NEK1: variants seen among roughly 807,000 people sequenced by gnomAD.
The protein encoded by NEK1 is serine/threonine-protein kinase Nek1.
In NEK1, 137 loss-of-function variants were observed where a neutral mutation model predicts 182.1. That is an observed-to-expected ratio of 0.75 (90% CI 0.65 to 0.87). The LOEUF is 0.87. NEK1 is among the 40% of genes least tolerant of loss of function. The pLI is 0.00. For missense variants in NEK1, 1,391 were observed against 1,494.4 expected (o/e 0.93, Z 1.14); for synonymous variants, 513 against 492.2 (o/e 1.04, Z -0.56).
chr4:169,497,497 A>C (rs1751561422), intron 23 of NEK1, among the ~76,000 whole-genome samples: 1 of 152,208 alleles, frequency 6.6e-6, no homozygotes, highest in Middle Eastern at 3.4e-3. Flanking sequence ...TTGTGATGTT[A>C]GGGTGTCAAT....
At chr4:169,411,417 C>T (rs1254524999) in intron 31 of NEK1, among the ~76,000 whole-genome samples, 21 of 152,020 alleles carry the variant, frequency 1.4e-4, no homozygotes, top group Non-Finnish European at 5.9e-5. Flanking sequence ...GCCTCTGCCT[C>T]CTGGGTTCAA....
intron 18 of NEK1, among the ~76,000 whole-genome samples, chr4:169,543,270 G>A (rs893046005): frequency 7.3e-5 from 11 of 151,440 alleles, no homozygotes; most frequent in African/African-American, 1.2e-4. Flanking sequence ...CTTGTTTATC[G>A]GGTTTGTTAA....
chr4:169,603,894 C>T (rs918082795), intron 2 of NEK1, among the ~76,000 whole-genome samples: 2 of 151,854 alleles, frequency 1.3e-5, no homozygotes, highest in South Asian at 2.1e-4. Flanking sequence ...TTAGTAGAGA[C>T]GGGGTTTCGC....
In NEK1 at chr4:169,515,553, C is replaced by T. The variant is rs181915200; in HGVS notation, c.1666-6701G>A. Among the ~76,000 whole-genome samples the T allele has an allele frequency of 6.5e-3, 931 of 143,380 alleles. 6 individuals are homozygous for T. The highest frequency in any genetic ancestry group is 0.023 in the African/African-American group (880 of 38,378). The allele number at this position is 143,380 out of a possible 152,430, so 94.1% of individuals were successfully genotyped here. On this transcript the variant is annotated intron_variant, in intron 19 of 35. Transcript: ENST00000507142. ...TTTTAGGGTACATGTGCACATTGTG[C>T]AGGTTAGTTACATATGTATACATGT... is the stretch of plus-strand genomic sequence containing the variant.
chr4:169,549,892 T>G (rs1328674846), intron 18 of NEK1, among the ~76,000 whole-genome samples: 1 of 152,170 alleles, frequency 6.6e-6, no homozygotes, highest in Non-Finnish European at 1.5e-5. Flanking sequence ...GTTCATTTAT[T>G]TATTTATTTT....
intron 5 of NEK1, among the ~76,000 whole-genome samples, chr4:169,595,068 C>G (rs11725757): frequency 0.46 from 69,237 of 151,932 alleles, 18,485 homozygotes; most frequent in East Asian, 0.76. Context: ...GAATGCCAAA[C>G]TACTGGCACT....
At chr4:169,539,800 G>C (rs1036002752) in intron 18 of NEK1, among the ~76,000 whole-genome samples, 1 of 152,064 alleles carries the variant, frequency 6.6e-6, no homozygotes, top group Non-Finnish European at 1.5e-5. Flanking sequence ...CAAGATAGGT[G>C]ATCTCTCTGC....
intron 19 of NEK1, among the ~76,000 whole-genome samples, chr4:169,518,309 T>G (rs924056046): frequency 1.5e-5 from 1 of 65,080 alleles, no homozygotes; most frequent in African/African-American, 9.3e-5. Context: ...GTTTGTAGTA[T>G]TCTCTGATGG....
chr4:169,525,888 T>G (rs1489940298), intron 19 of NEK1, among the ~76,000 whole-genome samples: 1 of 152,232 alleles, frequency 6.6e-6, no homozygotes, highest in Non-Finnish European at 1.5e-5. Flanking sequence ...GTTTGCACCC[T>G]GTTTCTGGGC....
At chr4:169,541,112 A>G (rs776167125) in intron 18 of NEK1, among the ~76,000 whole-genome samples, 1 of 152,148 alleles carries the variant, frequency 6.6e-6, no homozygotes, top group Non-Finnish European at 1.5e-5. Context: ...AATAAAAATG[A>G]GTAATGTGGT....
chr4:169,556,161 C>A, intron 16 of NEK1, 66 bp from the exon 17 acceptor site: 11 of 1,403,412 alleles, frequency 7.8e-6, no homozygotes, highest in Admixed American at 5.6e-5. Context: ...GTACTAGTCT[C>A]AAAAGAAAAA....
At chr4:169,497,701 G>A (rs1363355009) in intron 23 of NEK1, among the ~76,000 whole-genome samples, 4 of 152,296 alleles carry the variant, frequency 2.6e-5, no homozygotes, top group Admixed American at 6.5e-5. Context: ...CAGTTTCCAC[G>A]TAGTTGAGCG....
intron 22 of NEK1, 79 bp downstream of exon 22, chr4:169,507,636 A>G: frequency 1.0e-6 from 1 of 986,622 alleles, no homozygotes; most frequent in Admixed American, 2.0e-5. Context: ...TGATATAACT[A>G]TGCAAAACTT....
chr4:169,457,165 G>A (rs925652021), intron 27 of NEK1, among the ~76,000 whole-genome samples: 1 of 148,104 alleles, frequency 6.8e-6, no homozygotes, highest in Non-Finnish European at 1.5e-5. Flanking sequence ...GGTGACTAGA[G>A]TTAAGTCAAG....
At chr4:169,507,173 A>G (rs1375437889) in intron 22 of NEK1, 41 bp from the exon 23 acceptor site, 6 of 1,201,972 alleles carry the variant, frequency 5.0e-6, no homozygotes, top group South Asian at 3.0e-5. Context: ...TACCAGAAAG[A>G]AGGGCAGAGG....
At chr4:169,421,502 C>A (rs1041104368) in intron 31 of NEK1, among the ~76,000 whole-genome samples, 7 of 152,124 alleles carry the variant, frequency 4.6e-5, no homozygotes, top group African/African-American at 1.4e-4. Flanking sequence ...GTGACTGGAT[C>A]ATGAGGGCAG....
intron 31 of NEK1, among the ~76,000 whole-genome samples, chr4:169,410,575 C>A (rs1377155700): frequency 6.6e-6 from 1 of 152,116 alleles, no homozygotes; most frequent in African/African-American, 2.4e-5. Flanking sequence ...CTAAGAATAA[C>A]CACTGTGAAT....
At chr4:169,541,407 A>G (rs1759388331) in intron 18 of NEK1, among the ~76,000 whole-genome samples, 1 of 152,174 alleles carries the variant, frequency 6.6e-6, no homozygotes, top group African/African-American at 2.4e-5. Flanking sequence ...ATCCTAACAG[A>G]AGAGGTATGT....
chr4:169,495,720 C>T (rs868326150), intron 23 of NEK1, among the ~76,000 whole-genome samples: 7 of 152,094 alleles, frequency 4.6e-5, no homozygotes, highest in African/African-American at 1.7e-4. Flanking sequence ...TGTAGATATG[C>T]AGCATTATTT....
Sources: allele counts gnomAD v4.1 joint callset (sites outside exome capture counted in the v4.1 genomes callset), GRCh38; gene constraint gnomAD v4.1.1; transcripts MANE v1.5; gene names NCBI Gene and HGNC (gene_info 2026-07-23, HGNC 2026-07-21).